CEP290: variants seen among roughly 807,000 people sequenced by gnomAD.
CEP290 encodes the protein centrosomal protein of 290 kDa.
Under a neutral mutation model 344.9 loss-of-function variants are expected in CEP290, and 317 were observed. The observed-to-expected ratio is 0.92, with a 90% CI of 0.84 to 1.01. The LOEUF (loss-of-function observed/expected upper bound fraction) is 1.01, where lower values mean the gene tolerates loss of function less well. CEP290 is among the 50% of genes least tolerant of loss of function. The probability of loss-of-function intolerance (pLI) is 0.00; values close to 1 mark genes in which losing one functional copy is unlikely to be tolerated. For missense variants in CEP290, 2,754 were observed against 2,761.4 expected (o/e 1.00, Z 0.06); for synonymous variants, 932 against 895.8 (o/e 1.04, Z -0.72).
intron 3 of CEP290, among the ~76,000 whole-genome samples, chr12:88,140,313 T>C (rs1442401297): frequency 6.6e-6 from 1 of 152,230 alleles, no homozygotes; most frequent in Admixed American, 6.5e-5. Flanking sequence ...AGTTTTGCCT[T>C]CTTAAGGTGT....
chr12:88,097,610 T>TACAC (rs34989046), intron 26 of CEP290, among the ~76,000 whole-genome samples: 5,950 of 144,248 alleles, frequency 0.041, 151 homozygotes, highest in Admixed American at 0.075. Context: ...CACACACACA[T>TACAC]ACACACACAC....
At chr12:88,139,638 T>G (rs948372503) in intron 3 of CEP290, 74 bp from the exon 4 acceptor site, 1 of 1,148,428 alleles carries the variant, frequency 8.7e-7, no homozygotes, top group Non-Finnish European at 1.2e-6. Context: ...AAATTCTGTT[T>G]TATTTGTTAT....
intron 50 of CEP290, 34 bp from the exon 51 acceptor site, chr12:88,054,447 T>G: frequency 6.9e-7 from 1 of 1,458,014 alleles, no homozygotes; most frequent in Non-Finnish European, 9.5e-7. Flanking sequence ...AAGATAAGGT[T>G]TGCCATGGAA....
At chr12:88,127,200 TG>T (rs2039788290) in intron 11 of CEP290, among the ~76,000 whole-genome samples, 1 of 80,736 alleles carries the variant, frequency 1.2e-5, no homozygotes, top group Non-Finnish European at 2.9e-5. Context: ...AAGATTTAAA[TG>T]TAAAAAAAGG....
chr12:88,057,051 C>T (rs950643382), intron 49 of CEP290, among the ~76,000 whole-genome samples: 1 of 152,066 alleles, frequency 6.6e-6, no homozygotes, highest in Non-Finnish European at 1.5e-5. Context: ...CGTTCTCAGA[C>T]GAAAAACACG....
chr12:88,078,058 C>A (rs1346969343), intron 39 of CEP290, 140 bp from the exon 40 acceptor site: 5 of 370,156 alleles, frequency 1.4e-5, no homozygotes, highest in Non-Finnish European at 1.4e-5. Context: ...AAAATAACCA[C>A]AAACTACATA....
chr12:88,128,845 C>T (rs1022075153), intron 11 of CEP290, 101 bp downstream of exon 11: 26 of 619,284 alleles, frequency 4.2e-5, no homozygotes, highest in East Asian at 2.4e-4. Flanking sequence ...CCCTAATAAA[C>T]GTGTTATAAA....
At chr12:88,139,336 C>T (rs993013572) in intron 4 of CEP290, 145 bp from the exon 5 acceptor site, 1 of 497,842 alleles carries the variant, frequency 2.0e-6, no homozygotes, top group Non-Finnish European at 3.3e-6. Context: ...ATGGCAGATC[C>T]ATAAAATAGG....
rs553695106 is a variant in CEP290, at chr12:88,134,496, G to A, written c.441+2147C>T. Among the ~76,000 whole-genome samples the A allele has an allele frequency of 2.2e-3, 328 of 152,240 alleles. 1 individual carries two copies. Among genetic ancestry groups the A allele is most frequent in the African/African-American group, 7.5e-3 (311 of 41,540 alleles). On this transcript the variant is annotated intron_variant, in intron 6 of 53. Transcript: ENST00000552810. ...AAAACTCTTCACTGGCTCCTTTCAGGAAAAGAACCAAATTCATTAGGAACT... is the reference window on the plus strand; with the variant it reads ...AAAACTCTTCACTGGCTCCTTTCAGAAAAAGAACCAAATTCATTAGGAACT...
At chr12:88,050,963 A>C (rs1449206739) in intron 52 of CEP290, among the ~76,000 whole-genome samples, 1 of 152,142 alleles carries the variant, frequency 6.6e-6, no homozygotes, top group Non-Finnish European at 1.5e-5. Context: ...AAAGTCTCCA[A>C]ATATAGCACA....
intron 39 of CEP290, 56 bp downstream of exon 39, chr12:88,079,036 C>A (rs1480062637): frequency 2.7e-5 from 39 of 1,435,528 alleles, no homozygotes; most frequent in Non-Finnish European, 3.4e-5. Flanking sequence ...ATAGTGAATT[C>A]TCTTCCAATA....
At chr12:88,119,573 TG>T (rs1473125878) in intron 15 of CEP290, among the ~76,000 whole-genome samples, 24 of 151,870 alleles carry the variant, frequency 1.6e-4, no homozygotes, top group South Asian at 2.1e-4. Context: ...CCAAGGCGGG[TG>T]GATCACTTAA....
chr12:88,104,646 G>A (rs141390846), intron 25 of CEP290, among the ~76,000 whole-genome samples: 60 of 151,700 alleles, frequency 4.0e-4, no homozygotes, highest in African/African-American at 1.2e-3. Context: ...TAACATAACC[G>A]CATGAAGACA....
At chr12:88,125,608 G>A (rs1047999342) in intron 12 of CEP290, among the ~76,000 whole-genome samples, 29 of 151,864 alleles carry the variant, frequency 1.9e-4, no homozygotes, top group Admixed American at 1.4e-3. Context: ...AGGATTTCCA[G>A]AACTCCCTAA....
chr12:88,084,089 T>C (rs1330975779), intron 35 of CEP290, 135 bp from the exon 36 acceptor site: 2 of 616,584 alleles, frequency 3.2e-6, no homozygotes, highest in Non-Finnish European at 5.6e-6. Flanking sequence ...TCCATATATG[T>C]ATGTATCTAG....
chr12:88,084,665 A>T lies in CEP290; in HGVS notation c.4625T>A (p.Ile1542Asn), dbSNP rs2036441248. Residue 1542 changes from isoleucine to asparagine, a missense_variant, in exon 35 of 54, where the codon ATT (isoleucine) becomes AAT (asparagine). Coordinates refer to ENST00000552810, the MANE Select transcript of CEP290 (RefSeq NM_025114.4). ...ATTTAACCTTGCTTGCATGTTTGCA[A>T]TGGTTTGATGAGCAATTTTCAATGT... ...HHTLKIAHQTIANMQARLNQK... is the reference protein window; with the variant it reads ...HHTLKIAHQTNANMQARLNQK... The T allele has an allele frequency of 6.2e-7, 1 of 1,613,674 alleles. No homozygotes were observed. Among genetic ancestry groups the T allele is most frequent in the Non-Finnish European group, 8.5e-7 (1 of 1,179,650 alleles).
At chr12:88,070,217 G>C (rs958947633) in intron 43 of CEP290, among the ~76,000 whole-genome samples, 2 of 152,134 alleles carry the variant, frequency 1.3e-5, no homozygotes, top group Non-Finnish European at 2.9e-5. Context: ...TAAATGCATG[G>C]AGCAACCATT....
At chr12:88,086,194 T>C in intron 33 of CEP290, 21 bp from the exon 34 acceptor site, 1 of 1,599,662 alleles carries the variant, frequency 6.3e-7, no homozygotes, top group Non-Finnish European at 8.5e-7. Context: ...ATAGTATGTT[T>C]TTTAAAAAAG....
intron 20 of CEP290, among the ~76,000 whole-genome samples, 187 bp downstream of exon 20, chr12:88,114,233 T>C (rs2038902500): frequency 6.6e-6 from 1 of 152,084 alleles, no homozygotes; most frequent in South Asian, 2.1e-4. Context: ...GACAGATTAA[T>C]AACAATTATC....
Sources: gnomAD v4.1 joint callset for allele counts (sites outside exome capture counted in the v4.1 genomes callset) on GRCh38, gnomAD v4.1.1 for gene constraint, MANE v1.5 for transcripts, NCBI Gene and HGNC (gene_info 2026-07-23, HGNC 2026-07-21) for gene names.